The following EPB41L3 variants were observed in gnomAD, a reference collection of about 807,000 sequenced individuals.
The protein encoded by EPB41L3 is band 4.1-like protein 3.
Under a neutral mutation model 127.1 loss-of-function variants are expected in EPB41L3, and 57 were observed. The observed-to-expected ratio is 0.45, with a 90% CI of 0.36 to 0.56. EPB41L3 has a LOEUF of 0.56. Among genes scored for constraint, EPB41L3 ranks in the 20% least tolerant of loss-of-function variants. EPB41L3 has a pLI of 0.00. For missense variants in EPB41L3, 1,273 were observed against 1,372.2 expected (o/e 0.93, Z 1.14); for synonymous variants, 572 against 549.5 (o/e 1.04, Z -0.57).
In EPB41L3 at chr18:5,465,650, C is replaced by A. The variant is rs556459282; in HGVS notation, c.381+12591G>T. The stretch of plus-strand genomic sequence containing the variant: ...ACCCAAAAAAGGTCCCTGGCACCTG[C>A]AGACATAACATTCACTCTCTCTATC... On this transcript the variant is annotated intron_variant, in intron 3 of 22. Transcript: ENST00000341928. Among the ~76,000 whole-genome samples the A allele has an allele frequency of 9.9e-5, 15 of 152,260 alleles. No individual in the cohort carries two copies. In the South Asian group the frequency reaches 1.2e-3, roughly 13 times the overall value.
intron 1 of EPB41L3, among the ~76,000 whole-genome samples, chr18:5,528,751 T>A (rs8097586): frequency 2.6e-5 from 4 of 151,708 alleles, no homozygotes; most frequent in African/African-American, 9.7e-5. Context: ...GTACCCACCA[T>A]CACGTCTGGC....
At chr18:5,415,122 T>C (rs11081192) in intron 13 of EPB41L3, among the ~76,000 whole-genome samples, 101,495 of 152,220 alleles carry the variant, frequency 0.67, 35,793 homozygotes, top group East Asian at 0.88. Context: ...AAAACTTCAA[T>C]TTAGTCCTTT....
In EPB41L3 at chr18:5,489,167, C is replaced by G. The variant is rs2090290274; in HGVS notation, c.17G>C (p.Gly6Ala). Reference sequence around the variant, plus strand: ...GTCCGGCTTGGATTCCGAGTCTGATCCAGATTCGGTCGTCATGGTTGATTG... The same window carrying G: ...GTCCGGCTTGGATTCCGAGTCTGATGCAGATTCGGTCGTCATGGTTGATTG... MTTES[G>A]SDSESKPDQE... The change falls in exon 2 of 23, where the codon GGA becomes GCA. Residue 6 changes from glycine (G) to alanine (A), a missense_variant. Physicochemically the swap from Gly to Ala is moderately conservative, Grantham distance 60. Coordinates refer to ENST00000341928, the MANE Select transcript of EPB41L3 (RefSeq NM_012307.5). The G allele has an allele frequency of 6.3e-7, 1 of 1,597,366 alleles. No individual in the cohort carries two copies. The highest frequency in any genetic ancestry group is 8.5e-7 in the Non-Finnish European group (1 of 1,175,128).
At chr18:5,609,366 T>C (rs2094699977) in intron 3 of EPB41L3, among the ~76,000 whole-genome samples, 1 of 152,176 alleles carries the variant, frequency 6.6e-6, no homozygotes, top group Non-Finnish European at 1.5e-5. Context: ...ACTAGAAAAA[T>C]ATGTATTGAA....
At chr18:5,475,863 G>T (rs982318286) in intron 3 of EPB41L3, among the ~76,000 whole-genome samples, 3 of 152,072 alleles carry the variant, frequency 2.0e-5, no homozygotes, top group African/African-American at 7.3e-5. Context: ...TAATTGTTCA[G>T]CTGTGTTTCT....
rs780583840 is a variant in EPB41L3 at position 5,415,947 on chromosome 18, G to A, written c.1938C>T (p.Ala646=). 2 of 1,614,138 alleles carry A rather than the reference G, an allele frequency of 1.2e-6. No homozygotes were observed. Among genetic ancestry groups the A allele is most frequent in the Non-Finnish European group, 1.7e-6 (2 of 1,180,036 alleles). The stretch of plus-strand genomic sequence containing the variant: ...TGAGAGCGTATGGCACTGAGAAGGA[G>A]GCAGACAGCAGAAAGAAAAAGATGA... The part of the protein sequence containing the change: ...FLFIFFFLLS[A]SFSVPYALTL... The change falls in exon 13 of 23, where the codon GCC becomes GCT. Residue 646 remains alanine, a synonymous_variant. Transcript: ENST00000341928.
intron 18 of EPB41L3, 58 bp downstream of exon 18, chr18:5,397,000 C>T (rs2073636803): frequency 6.7e-7 from 1 of 1,503,444 alleles, no homozygotes; most frequent in Non-Finnish European, 8.9e-7. Flanking sequence ...ATCTAAATTT[C>T]CAGGCATCCT....
At chr18:5,490,425 T>C (rs2090446432) in intron 1 of EPB41L3, among the ~76,000 whole-genome samples, 1 of 152,134 alleles carries the variant, frequency 6.6e-6, no homozygotes, top group South Asian at 2.1e-4. Context: ...TAAAAATATG[T>C]TTAATAATTT....
intron 3 of EPB41L3, among the ~76,000 whole-genome samples, chr18:5,599,976 G>A (rs2094573643): frequency 6.6e-6 from 1 of 152,100 alleles, no homozygotes; most frequent in Admixed American, 6.6e-5. Flanking sequence ...CCGTGATACA[G>A]TGATATTTTC....
intron 2 of EPB41L3, among the ~76,000 whole-genome samples, chr18:5,479,357 G>A (rs914210938): frequency 1.3e-5 from 2 of 152,224 alleles, no homozygotes; most frequent in East Asian, 3.8e-4. Flanking sequence ...TTAGGGCTTT[G>A]AAATAAGCAT....
rs114236621 is a variant in EPB41L3, at chr18:5,470,763, G to A, written c.381+7478C>T. On this transcript the variant is annotated intron_variant, in intron 3 of 22. Transcript: ENST00000341928. ...AGAAACTACACCTTAAGGGATTTTT[G>A]GAAATTATAAGTATAGATCTACTTC... Among the ~76,000 whole-genome samples the A allele has an allele frequency of 3.0e-3, 462 of 152,274 alleles. 3 individuals carry two copies. The highest frequency in any genetic ancestry group is 0.011 in the African/African-American group (443 of 41,534).
At chr18:5,575,609 G>T (rs2094329277) in intron 3 of EPB41L3, among the ~76,000 whole-genome samples, 1 of 152,068 alleles carries the variant, frequency 6.6e-6, no homozygotes. Flanking sequence ...GGCCGAGGTG[G>T]GTGGATCACC....
At chr18:5,505,884 C>T (rs1387970414) in intron 1 of EPB41L3, among the ~76,000 whole-genome samples, 1 of 149,122 alleles carries the variant, frequency 6.7e-6, no homozygotes, top group Non-Finnish European at 1.5e-5. Flanking sequence ...CCTTCACCTC[C>T]ACCCCTACCC....
At chr18:5,558,642 G>A (rs750279900) in intron 3 of EPB41L3, among the ~76,000 whole-genome samples, 1 of 152,182 alleles carries the variant, frequency 6.6e-6, no homozygotes, top group Non-Finnish European at 1.5e-5. Context: ...TGGCTGTGAA[G>A]TAAGTTTCTT....
Position 5,396,361 on chromosome 18 carries a change from C to T in EPB41L3, c.2842-29G>A, listed in dbSNP as rs2073461408. On this transcript the variant is annotated intron_variant, in intron 18 of 22. Transcript: ENST00000341928. ...TGCCAAAGGGGAGTAAGCAGAGTGG[C>T]TGTTATAGTTTGCATGAACACATTG... 5.0e-6 allele frequency: 8 copies of T among 1,613,764 alleles called. No individual in the cohort carries two copies. In the East Asian group the frequency reaches 1.8e-4, roughly 36 times the overall value.
chr18:5,532,453 C>T (rs1004507273), intron 1 of EPB41L3, among the ~76,000 whole-genome samples: 2 of 152,204 alleles, frequency 1.3e-5, no homozygotes, highest in Non-Finnish European at 1.5e-5. Flanking sequence ...TGGCACATGC[C>T]ATCAGTCTCG....
chr18:5,486,288 C>A (rs1430179408), intron 2 of EPB41L3, among the ~76,000 whole-genome samples: 1 of 151,646 alleles, frequency 6.6e-6, no homozygotes, highest in Non-Finnish European at 1.5e-5. Context: ...CTGTATGAGA[C>A]CAATGAAATT....
intron 3 of EPB41L3, among the ~76,000 whole-genome samples, chr18:5,565,672 T>A (rs2149228651): frequency 7.7e-6 from 1 of 129,814 alleles, no homozygotes; most frequent in East Asian, 2.4e-4. Flanking sequence ...CCTGTGTCCA[T>A]GTGTTCTCAT....
chr18:5,443,368 CT>C (rs1196365781), intron 5 of EPB41L3, among the ~76,000 whole-genome samples: 1 of 152,174 alleles, frequency 6.6e-6, no homozygotes, highest in Non-Finnish European at 1.5e-5. Flanking sequence ...AAATTTGTGA[CT>C]TGCTCATGCA....
Sources: allele counts gnomAD v4.1 joint callset (sites outside exome capture counted in the v4.1 genomes callset), GRCh38; gene constraint gnomAD v4.1.1; transcripts MANE v1.5; gene names NCBI Gene and HGNC (gene_info 2026-07-23, HGNC 2026-07-21).